Variants in RXRA observed in about 807,000 individuals in gnomAD.
The protein encoded by RXRA is retinoic acid receptor RXR-alpha.
RXRA carries 5 observed loss-of-function variants against 44.5 expected under a neutral mutation model. That is an observed-to-expected ratio of 0.11 (90% CI 0.06 to 0.24). RXRA has a LOEUF of 0.24. Among genes scored for constraint, RXRA ranks in the 10% least tolerant of loss-of-function variants. RXRA has a pLI of 1.00. For synonymous variants in RXRA, 291 were observed against 271.4 expected (o/e 1.07, Z -0.71); for missense variants, 412 against 646.5 (o/e 0.64, Z 3.93).
At chr9:134,329,021 C>T (rs1178804819) in intron 1 of RXRA, among the ~76,000 whole-genome samples, 4 of 152,236 alleles carry the variant, frequency 2.6e-5, no homozygotes, top group Admixed American at 1.3e-4. Flanking sequence ...CGCGCTCCCA[C>T]GCCTGCCGGG....
intron 1 of RXRA, among the ~76,000 whole-genome samples, chr9:134,344,565 C>T (rs577003284): frequency 8.2e-4 from 125 of 152,138 alleles, no homozygotes; most frequent in African/African-American, 2.7e-3. Context: ...GAGGTTGGGA[C>T]GGGGCTGGAT....
intron 6 of RXRA, chr9:134,424,428 T>C: frequency 1.0e-6 from 1 of 985,440 alleles, no homozygotes; most frequent in Non-Finnish European, 1.2e-6. Context: ...CTGAGGTCCT[T>C]GCTGACCTGT....
rs1831319221 is a variant in RXRA at position 134,420,909 on chromosome 9, GCT to G, written c.781-760_781-759del. Among the ~76,000 whole-genome samples, 3 of 152,196 alleles carry G rather than the reference GCT, an allele frequency of 2.0e-5. No individual in the cohort carries two copies. In the East Asian group the frequency reaches 5.8e-4, roughly 29 times the overall value. ...ACTTTCCAAAGGAGCCGTGAATGCT[GCT>G]CTCTCTGTGCCTGGGGCCTGGTATC... On this transcript the variant is annotated intron_variant, in intron 5 of 9. Transcript: ENST00000481739.
At position 134,366,951 on chromosome 9, in the gene RXRA, C is replaced by T. The variant is rs1830421695; in HGVS notation, c.29-34681C>T. Among the ~76,000 whole-genome samples the T allele has an allele frequency of 1.3e-5, 2 of 152,082 alleles. No homozygotes were observed. Among genetic ancestry groups the T allele is most frequent in the African/African-American group, 2.4e-5 (1 of 41,398 alleles). The stretch of plus-strand genomic sequence containing the variant: ...GGAGAAGGGGCTGGTGGTTCCCGGG[C>T]CTGCACATCCCCACCCCTGCCCTGC... On this transcript the variant is annotated intron_variant, in intron 1 of 9. Coordinates refer to ENST00000481739, the MANE Select transcript of RXRA (RefSeq NM_002957.6). This position sits in a 1 kb window ranked among gnomAD's most constrained non-coding sequence, Gnocchi z 5.9.
intron 1 of RXRA, among the ~76,000 whole-genome samples, chr9:134,396,961 C>T (rs1005944743): frequency 9.2e-5 from 14 of 152,218 alleles, no homozygotes; most frequent in African/African-American, 3.4e-4. Flanking sequence ...GGCTGGAGTC[C>T]TGAGGGCTCA....
At chr9:134,432,500 G>C (rs781770496) in intron 8 of RXRA, among the ~76,000 whole-genome samples, 1 of 152,234 alleles carries the variant, frequency 6.6e-6, no homozygotes, top group African/African-American at 2.4e-5. Context: ...CTGTGGGGCT[G>C]GGGCTGGGCA....
Position 134,366,761 on chromosome 9 carries a change from C to G in RXRA, c.29-34871C>G, listed in dbSNP as rs773345511. 2.0e-5 allele frequency among the ~76,000 whole-genome samples: 3 copies of G among 152,190 alleles called. No homozygotes were observed. Among genetic ancestry groups the G allele is most frequent in the Non-Finnish European group, 4.4e-5 (3 of 68,028 alleles). ...CATAGACTCTCCACGGAAAAGGAAG[C>G]CTGGCACCCCCCATGTTTCACGTAG... On this transcript the variant is annotated intron_variant, in intron 1 of 9. Transcript: ENST00000481739. This position sits in a 1 kb window ranked among gnomAD's most constrained non-coding sequence, Gnocchi z 5.9.
rs754761323 is a variant in RXRA, at chr9:134,408,215, G to A, written c.346G>A (p.Val116Ile). Residue 116 changes from valine (V) to isoleucine (I), a missense_variant, in exon 3 of 10, where the codon GTC becomes ATC. Physicochemically the swap from Val to Ile is conservative, Grantham distance 29. Transcript: ENST00000481739. ...DIKPPLGLNG[V>I]LKVPAHPSGN... is the part of the protein sequence containing the mutation. ...CAAGCCCCCCCTGGGCCTCAATGGCGTCCTCAAGGTCCCCGCCCACCCCTC... is the reference window on the plus strand; with the variant it reads ...CAAGCCCCCCCTGGGCCTCAATGGCATCCTCAAGGTCCCCGCCCACCCCTC... 1.4e-5 allele frequency: 23 copies of A among 1,611,040 alleles called. No homozygotes were observed. Among genetic ancestry groups the A allele is most frequent in the African/African-American group, 1.2e-4 (9 of 74,876 alleles).
At position 134,439,072 on chromosome 9, in the gene RXRA, G is replaced by C. The variant is rs1010959112; in HGVS notation, c.*2458G>C. 13 of 152,274 alleles carry C rather than the reference G, an allele frequency of 8.5e-5. No individual in the cohort carries two copies. The highest frequency in any genetic ancestry group is 3.1e-4 in the African/African-American group (13 of 41,466). The allele number at this position is 152,274 out of a possible 1,614,324, so 9.4% of individuals were successfully genotyped here. ...CGGCTCATCACTGAGTAGAGAGGTA[G>C]AATTTCTATTTAACCAGACCTGTAG... On this transcript the variant is annotated 3_prime_UTR_variant, in exon 10 of 10. Transcript: ENST00000481739.
chr9:134,344,330 C>T (rs551153051), intron 1 of RXRA, among the ~76,000 whole-genome samples: 1 of 152,212 alleles, frequency 6.6e-6, no homozygotes, highest in Admixed American at 6.5e-5. Context: ...TCTATCTAGC[C>T]TGGTGTCTGG....
rs919509887 is a variant in RXRA at position 134,365,544 on chromosome 9, G to A, written c.29-36088G>A. 8.5e-5 allele frequency among the ~76,000 whole-genome samples: 13 copies of A among 152,334 alleles called. No homozygotes were observed. Among genetic ancestry groups the A allele is most frequent in the African/African-American group, 2.9e-4 (12 of 41,582 alleles). On this transcript the variant is annotated intron_variant, in intron 1 of 9. Transcript: ENST00000481739. This position sits in a 1 kb window ranked among gnomAD's most constrained non-coding sequence, Gnocchi z 4.0. ...GGCCATGGCTGTGTGGACCAGGCTG[G>A]GGCTGCACTGGGGCCTGGGTGGTAG...
intron 4 of RXRA, among the ~76,000 whole-genome samples, chr9:134,412,460 ACT>A (rs1831164796): frequency 6.6e-6 from 1 of 152,086 alleles, no homozygotes; most frequent in Non-Finnish European, 1.5e-5. Context: ...CCATGCGGTG[ACT>A]CTGCCCCCGG....
Position 134,374,936 on chromosome 9 carries a change from TG to T in RXRA, c.29-26694del, listed in dbSNP as rs563189267. ...TTGGCACCTGCTATGTGCCAGGCAC[TG>T]GCCAGGGCCCAGGGTGTCACAATGG... On this transcript the variant is annotated intron_variant, in intron 1 of 9. Coordinates refer to ENST00000481739, the MANE Select transcript of RXRA (RefSeq NM_002957.6). 7.5e-3 allele frequency among the ~76,000 whole-genome samples: 1,142 copies of T among 152,274 alleles called. 18 individuals carry two copies. The highest frequency in any genetic ancestry group is 0.026 in the African/African-American group (1,092 of 41,560).
At chr9:134,384,059 G>C (rs762282558) in intron 1 of RXRA, among the ~76,000 whole-genome samples, 2 of 152,138 alleles carry the variant, frequency 1.3e-5, no homozygotes, top group Non-Finnish European at 2.9e-5. Context: ...GGGAGTCCCA[G>C]ACCCTCCACA....
intron 1 of RXRA, among the ~76,000 whole-genome samples, chr9:134,362,541 T>C (rs1830364967): frequency 6.6e-6 from 1 of 152,232 alleles, no homozygotes; most frequent in Non-Finnish European, 1.5e-5. Flanking sequence ...CACAGCATGG[T>C]GCTGGCATGG....
intron 1 of RXRA, among the ~76,000 whole-genome samples, chr9:134,391,927 A>G (rs1387263282): frequency 6.6e-6 from 1 of 152,098 alleles, no homozygotes; most frequent in Non-Finnish European, 1.5e-5. Flanking sequence ...CCTTGTCACC[A>G]CACTTCTGTG....
intron 6 of RXRA, chr9:134,423,896 C>A (rs1245801793): frequency 1.0e-6 from 1 of 977,444 alleles, no homozygotes; most frequent in East Asian, 1.1e-4. Flanking sequence ...ACCCACCAGA[C>A]CGATCCAGAG....
At chr9:134,383,153 CAG>C (rs1047793067) in intron 1 of RXRA, among the ~76,000 whole-genome samples, 36 of 152,200 alleles carry the variant, frequency 2.4e-4, no homozygotes, top group Non-Finnish European at 3.8e-4. Context: ...TCAGCACACA[CAG>C]GGGGGCCATG....
At chr9:134,396,504 A>G (rs1830881562) in intron 1 of RXRA, among the ~76,000 whole-genome samples, 1 of 151,930 alleles carries the variant, frequency 6.6e-6, no homozygotes, top group Non-Finnish European at 1.5e-5. Flanking sequence ...ACGGGGTTTC[A>G]GTTCCGGGCG....
Sources: gnomAD v4.1 joint callset for allele counts (sites outside exome capture counted in the v4.1 genomes callset) on GRCh38, gnomAD v4.1.1 for gene constraint, Gnocchi (gnomAD v3.1) non-coding constraint, MANE v1.5 for transcripts, NCBI Gene and HGNC (gene_info 2026-07-23, HGNC 2026-07-21) for gene names.